Variants in CHEK1 observed in about 807,000 individuals in gnomAD.
CHEK1 encodes serine/threonine-protein kinase Chk1.
CHEK1 carries 32 observed loss-of-function variants against 60.2 expected under a neutral mutation model. The ratio of observed to expected loss-of-function variants is 0.53; its 90% confidence interval spans 0.40 to 0.71. The LOEUF is 0.71. Ranked by LOEUF, CHEK1 falls within the 30% of genes least tolerant of loss-of-function variation. The pLI is 0.00. For missense variants in CHEK1, 399 were observed against 564.6 expected (o/e 0.71, Z 2.97); for synonymous variants, 179 against 187.2 (o/e 0.96, Z 0.36).
At chr11:125,655,172 T>G in intron 12 of CHEK1, 53 bp from the exon 13 acceptor site, 1 of 1,324,834 alleles carries the variant, frequency 7.5e-7, no homozygotes, top group Non-Finnish European at 1.1e-6. Flanking sequence ...TAGGACAGAA[T>G]TTTGTTTTTG....
chr11:125,640,239 A>C (rs371882944), intron 8 of CHEK1, among the ~76,000 whole-genome samples: 6 of 152,276 alleles, frequency 3.9e-5, no homozygotes, highest in East Asian at 3.9e-4. Flanking sequence ...GAAGTAAACA[A>C]TTCATCAATT....
downstream of CHEK1, among the ~76,000 whole-genome samples, chr11:125,680,559 A>G (rs1045747786): frequency 2.0e-5 from 3 of 152,202 alleles, no homozygotes; most frequent in Non-Finnish European, 4.4e-5. Context: ...AGCTATGACT[A>G]GAGAAATCAA....
rs2136066749 is a variant in CHEK1 at position 125,655,347 on chromosome 11, G to A, written c.*27G>A. On this transcript the variant is annotated 3_prime_UTR_variant, in exon 13 of 13. Transcript: ENST00000438015. ...CGGACCATCGGCTCTGGGGAATCCT[G>A]GTGAATATAGTGCTGCTATGTTGAC... 4 of 1,464,524 alleles carry A rather than the reference G, an allele frequency of 2.7e-6. No individual in the cohort carries two copies. The East Asian group carries it at 9.1e-5, about 33-fold the overall frequency. The allele number at this position is 1,464,524 out of a possible 1,614,324, so 90.7% of individuals were successfully genotyped here.
downstream of CHEK1, chr11:125,677,837 CCCTGAAGCGTGCTCA>C (rs749164194): frequency 6.2e-6 from 10 of 1,614,008 alleles, no homozygotes; most frequent in Non-Finnish European, 7.6e-6. Flanking sequence ...AAGCCTGTTC[CCCTGAAGCGTGCTCA>C]CCTGAAGGCT....
At chr11:125,677,242 T>G (rs1203997554), downstream of CHEK1, among the ~76,000 whole-genome samples, 3 of 152,268 alleles carry the variant, frequency 2.0e-5, no homozygotes, top group Non-Finnish European at 4.4e-5. Context: ...CATCAAACTT[T>G]GGGTCTTGTT....
At chr11:125,636,657 ATTAG>A (rs1941085439) in intron 7 of CHEK1, among the ~76,000 whole-genome samples, 1 of 151,744 alleles carries the variant, frequency 6.6e-6, no homozygotes, top group African/African-American at 2.4e-5. Context: ...TTATGTATGT[ATTAG>A]TTTTTTGTCT....
intron 1 of CHEK1, chr11:125,626,224 T>C (rs1287338632): frequency 1.7e-6 from 1 of 578,788 alleles, no homozygotes; most frequent in African/African-American, 1.9e-5. Flanking sequence ...AACCCGCTGC[T>C]AGCTAAGAAC....
chr11:125,676,833 C>T (rs1942534733), downstream of CHEK1, among the ~76,000 whole-genome samples: 1 of 152,156 alleles, frequency 6.6e-6, no homozygotes, highest in Non-Finnish European at 1.5e-5. Context: ...TTGTACTCCC[C>T]ATCATACTCT....
chr11:125,672,614 T>C (rs774089288), intron 13 of CHEK1: 1 of 1,614,118 alleles, frequency 6.2e-7, no homozygotes, highest in Non-Finnish European at 8.5e-7. Context: ...TGCAGAAAGA[T>C]TGATTTCGAC....
intron 1 of CHEK1, 81 bp from the exon 2 acceptor site, chr11:125,626,668 A>T: frequency 7.8e-7 from 1 of 1,277,048 alleles, no homozygotes; most frequent in Non-Finnish European, 1.1e-6. Flanking sequence ...TTTCGTGGGC[A>T]ATCCTGGGGA....
intron 13 of CHEK1, among the ~76,000 whole-genome samples, chr11:125,663,957 CT>C (rs1468610104): frequency 6.6e-6 from 1 of 152,110 alleles, no homozygotes; most frequent in Non-Finnish European, 1.5e-5. Context: ...CATTTGAGTG[CT>C]TTTCCCCTTG....
At chr11:125,659,392 C>T (rs1240194745), downstream of CHEK1, among the ~76,000 whole-genome samples, 1 of 151,572 alleles carries the variant, frequency 6.6e-6, no homozygotes, top group East Asian at 1.9e-4. Flanking sequence ...GATCTTTCTT[C>T]TATTTTCTGC....
downstream of CHEK1, chr11:125,677,877 T>A: frequency 6.2e-7 from 1 of 1,613,968 alleles, no homozygotes; most frequent in Non-Finnish European, 8.5e-7. Flanking sequence ...ACCCGAGGCC[T>A]GCTCACCAGA....
intron 13 of CHEK1, among the ~76,000 whole-genome samples, chr11:125,663,225 A>G (rs926985336): frequency 1.3e-5 from 2 of 151,538 alleles, no homozygotes; most frequent in Non-Finnish European, 2.9e-5. Context: ...TTTAATTTCA[A>G]TGAAATCCAG....
rs1040392336 is a variant in CHEK1 at position 125,635,451 on chromosome 11, T to C, written c.636T>C (p.Ser212=). The change falls in exon 7 of 13, where the codon AGT becomes AGC. Residue 212 remains serine, a synonymous_variant. Coordinates refer to ENST00000438015, the MANE Select transcript of CHEK1 (RefSeq NM_001114122.3). ...LAGELPWDQP[S]DSCQEYSDWK... is the part of the protein sequence containing the mutation. ...TAGAATTGCCATGGGACCAACCCAG[T>C]GACAGCTGTCAGGAGTATTCTGACT... The C allele has an allele frequency of 6.3e-7, 1 of 1,598,752 alleles. No homozygotes were observed. Among genetic ancestry groups the C allele is most frequent in the Non-Finnish European group, 8.5e-7 (1 of 1,174,686 alleles).
At chr11:125,676,323 C>T (rs2134119258), downstream of CHEK1, 1 of 1,612,492 alleles carries the variant, frequency 6.2e-7, no homozygotes, top group East Asian at 2.2e-5. Context: ...TTGATGTGTT[C>T]TCAGGCAGAA....
At chr11:125,664,539 A>AT (rs1484414652) in intron 13 of CHEK1, among the ~76,000 whole-genome samples, 23 of 152,034 alleles carry the variant, frequency 1.5e-4, no homozygotes, top group Non-Finnish European at 2.9e-4. Flanking sequence ...CTGGCCGAAC[A>AT]TTTTTTCATA....
At chr11:125,643,501 A>G in intron 8 of CHEK1, 1 of 169,518 alleles carries the variant, frequency 5.9e-6, no homozygotes, top group Non-Finnish European at 1.2e-5. Flanking sequence ...TCAAAAAAAG[A>G]AAAAAAAAAA....
downstream of CHEK1, among the ~76,000 whole-genome samples, chr11:125,677,076 T>C (rs1289538199): frequency 6.6e-6 from 1 of 152,214 alleles, no homozygotes; most frequent in Non-Finnish European, 1.5e-5. Flanking sequence ...ATTATGGGCT[T>C]TGCACAGTCC....
Sources: allele counts gnomAD v4.1 joint callset (sites outside exome capture counted in the v4.1 genomes callset), GRCh38; gene constraint gnomAD v4.1.1; transcripts MANE v1.5; gene names NCBI Gene and HGNC (gene_info 2026-07-23, HGNC 2026-07-21).